Variants in CDH13 observed in about 807,000 individuals in gnomAD.
CDH13 encodes the protein cadherin-13.
A neutral mutation model predicts 63.8 loss-of-function variants in CDH13; 24 were observed. The observed-to-expected ratio is 0.38, with a 90% confidence interval of 0.27 to 0.53. CDH13 has a LOEUF of 0.53. Ranked by LOEUF, CDH13 falls within the 20% of genes least tolerant of loss-of-function variation. The pLI, the probability that CDH13 is intolerant of heterozygous loss-of-function variation, is 0.85. For synonymous variants in CDH13, 503 were observed against 355.3 expected, an observed-to-expected ratio of 1.42 and a Z score of -4.67; for missense variants, 1,049 against 903.1, an observed-to-expected ratio of 1.16 and a Z score of -2.07.
At chr16:82,991,635 A>T (rs1015976183) in intron 2 of CDH13, among the ~76,000 whole-genome samples, 1 of 152,202 alleles carries the variant, frequency 6.6e-6, no homozygotes, top group African/African-American at 2.4e-5. Context: ...CAAATAAGTG[A>T]TCAAAGGGCA....
chr16:83,636,943 A>G (rs1441231015), intron 8 of CDH13, among the ~76,000 whole-genome samples: 3 of 152,328 alleles, frequency 2.0e-5, no homozygotes, highest in Admixed American at 6.5e-5. Context: ...CTTTTGAACA[A>G]AAGCCATTCC....
chr16:83,125,560 A>C lies in CDH13; in HGVS notation c.483+59A>C, dbSNP rs1382349618. On this transcript the variant is annotated intron_variant, in intron 4 of 13. Transcript: ENST00000567109. ...GTTTTTATGAAAAGATGAGCACAGC[A>C]GACTGAGTATGACTGTCTTGGTGAC... The C allele has an allele frequency of 5.6e-6, 5 of 893,726 alleles. No homozygotes were observed. The African/African-American group carries it at 8.2e-5, about 15-fold the overall frequency. 55.4% of individuals were successfully genotyped at this position (893,726 alleles called of 1,614,324 possible).
intron 2 of CDH13, among the ~76,000 whole-genome samples, chr16:82,881,218 C>T (rs567295836): frequency 6.6e-6 from 1 of 152,120 alleles, no homozygotes; most frequent in Non-Finnish European, 1.5e-5. Context: ...GTTCGTGTCT[C>T]TGGGCCATCT....
chr16:82,775,127 C>T (rs945783103), intron 1 of CDH13, among the ~76,000 whole-genome samples: 2 of 152,150 alleles, frequency 1.3e-5, no homozygotes, highest in Non-Finnish European at 2.9e-5. Flanking sequence ...CTGTCTATAC[C>T]TCGGCTGTCT....
intron 10 of CDH13, chr16:83,721,930 T>A (rs1309761327): frequency 6.6e-6 from 1 of 152,048 alleles, no homozygotes; most frequent in East Asian, 1.9e-4. Flanking sequence ...AGTAGAGAGA[T>A]TGGATGAGGA....
intron 5 of CDH13, among the ~76,000 whole-genome samples, chr16:83,231,942 G>A (rs2040007928): frequency 6.6e-6 from 1 of 152,166 alleles, no homozygotes; most frequent in Non-Finnish European, 1.5e-5. Flanking sequence ...AGATCAGGAT[G>A]TTTATAAAAG....
intron 2 of CDH13, among the ~76,000 whole-genome samples, chr16:82,914,918 T>C (rs1347008592): frequency 6.6e-6 from 1 of 152,230 alleles, no homozygotes; most frequent in Non-Finnish European, 1.5e-5. Flanking sequence ...TCAGGAAGTC[T>C]GATTTTAATC....
chr16:83,482,191 A>G (rs1403886691), intron 6 of CDH13, among the ~76,000 whole-genome samples: 3 of 152,206 alleles, frequency 2.0e-5, no homozygotes, highest in African/African-American at 7.2e-5. Flanking sequence ...ATGAGGCAAC[A>G]CTACAGTGAA....
chr16:82,725,238 C>T (rs537943924), intron 1 of CDH13, among the ~76,000 whole-genome samples: 4 of 152,106 alleles, frequency 2.6e-5, no homozygotes, highest in Non-Finnish European at 2.9e-5. Flanking sequence ...AAATAACGTA[C>T]ATATGTCTCT....
intron 2 of CDH13, among the ~76,000 whole-genome samples, chr16:82,964,472 G>A (rs1907515986): frequency 6.6e-6 from 1 of 152,220 alleles, no homozygotes; most frequent in Non-Finnish European, 1.5e-5. Context: ...GAAGTAAAGA[G>A]AAAGAGGAGA....
chr16:82,919,192 A>G (rs2151277802), intron 2 of CDH13, among the ~76,000 whole-genome samples: 1 of 152,304 alleles, frequency 6.6e-6, no homozygotes, highest in East Asian at 1.9e-4. Context: ...CATCTTTGTC[A>G]TATGGCATCT....
chr16:83,162,774 T>C (rs1391508126), intron 4 of CDH13, among the ~76,000 whole-genome samples: 1 of 152,090 alleles, frequency 6.6e-6, no homozygotes, highest in African/African-American at 2.4e-5. Flanking sequence ...AAATCTGTAT[T>C]TGTGGCAAAC....
intron 10 of CDH13, among the ~76,000 whole-genome samples, chr16:83,708,477 C>T (rs953115583): frequency 7.2e-5 from 11 of 152,186 alleles, no homozygotes; most frequent in Admixed American, 6.5e-4. Flanking sequence ...GCTTTGTTCT[C>T]TTTCTGTCTT....
intron 6 of CDH13, among the ~76,000 whole-genome samples, chr16:83,354,745 C>A (rs553975376): frequency 7.9e-5 from 12 of 152,134 alleles, no homozygotes; most frequent in Non-Finnish European, 1.8e-4. Flanking sequence ...ACGGTAGTAC[C>A]AGGTGAGACA....
chr16:82,679,801 G>A (rs1298555655), intron 1 of CDH13, among the ~76,000 whole-genome samples: 1 of 152,150 alleles, frequency 6.6e-6, no homozygotes, highest in Admixed American at 6.5e-5. Flanking sequence ...TACTATGTTT[G>A]AACAGATTTC....
chr16:83,241,206 C>T (rs1405876287), intron 5 of CDH13, among the ~76,000 whole-genome samples: 1 of 152,120 alleles, frequency 6.6e-6, no homozygotes, highest in Admixed American at 6.5e-5. Context: ...TGTGGATATA[C>T]CACATTTTCT....
In CDH13 at chr16:83,010,135, C is replaced by CAAAAAAAAAAAAAAAAA. The variant is rs67985333; in HGVS notation, c.158-21864_158-21848dup. 1.4e-3 allele frequency among the ~76,000 whole-genome samples: 70 copies of CAAAAAAAAAAAAAAAAA among 50,094 alleles called. 1 individual carries two copies. Among genetic ancestry groups the CAAAAAAAAAAAAAAAAA allele is most frequent in the Non-Finnish European group, 1.8e-3 (54 of 29,774 alleles). The allele number at this position is 50,094 out of a possible 152,430, so 32.9% of individuals were successfully genotyped here. On this transcript the variant is annotated intron_variant, in intron 2 of 13. Transcript: ENST00000567109. ...GGGCAACAAGAGCAAAACTCTGTCT[C>CAAAAAAAAAAAAAAAAA]AAAAAAAAAAAAAAAAAAAAAAAAA...
chr16:83,077,186 C>CTTTTTTTTTTTTTTTTTTTTTTTTTTT lies in CDH13; in HGVS notation c.366+44992_366+44993insTTTTTTTTTTTTTTTTTTTTTTTTTTT, dbSNP rs34536219. Among the ~76,000 whole-genome samples, 41 of 59,172 alleles carry CTTTTTTTTTTTTTTTTTTTTTTTTTTT rather than the reference C, an allele frequency of 6.9e-4. 1 individual carries two copies. The highest frequency in any genetic ancestry group is 8.6e-4 in the Non-Finnish European group (29 of 33,908). The allele number at this position is 59,172 out of a possible 152,430, so 38.8% of individuals were successfully genotyped here. On this transcript the variant is annotated intron_variant, in intron 3 of 13. Coordinates refer to ENST00000567109, the MANE Select transcript of CDH13 (RefSeq NM_001257.5). ...TCTTTTCTTTTCTTTTTTTTCTTTT[C>CTTTTTTTTTTTTTTTTTTTTTTTTTTT]TTTTTTTTTTTTTTTTTTTTTTTTG...
chr16:83,652,347 G>C (rs190929218), intron 8 of CDH13, among the ~76,000 whole-genome samples: 23 of 152,254 alleles, frequency 1.5e-4, no homozygotes, highest in Admixed American at 1.4e-3. Context: ...TTAGCATCAC[G>C]AGCCTAACCA....
Sources: allele counts gnomAD v4.1 joint callset (sites outside exome capture counted in the v4.1 genomes callset), GRCh38; gene constraint gnomAD v4.1.1; transcripts MANE v1.5; gene names NCBI Gene and HGNC (gene_info 2026-07-23, HGNC 2026-07-21).